The following DLG5 variants were observed in gnomAD, a reference collection of about 807,000 sequenced individuals.
The protein encoded by DLG5 is disks large homolog 5.
Under a neutral mutation model 189.8 loss-of-function variants are expected in DLG5, and 48 were observed. The ratio of observed to expected loss-of-function variants is 0.25; its 90% CI spans 0.20 to 0.32. DLG5 has a LOEUF of 0.32. Among genes scored for constraint, DLG5 ranks in the 10% least tolerant of loss-of-function variants. DLG5 has a pLI of 1.00. For synonymous variants in DLG5, 1,016 were observed against 1,054.1 expected, an observed-to-expected ratio of 0.96 and a Z score of 0.70; for missense variants, 2,160 against 2,544.7, an observed-to-expected ratio of 0.85 and a Z score of 3.25.
At chr10:77,929,047 T>G (rs969220326), upstream of DLG5, 2 of 151,754 alleles carry the variant, frequency 1.3e-5, no homozygotes, top group African/African-American at 4.8e-5. Flanking sequence ...AAAAAAAAAC[T>G]TATTTTTTGA....
Position 77,856,735 on chromosome 10 carries a change from G to C in DLG5, c.531C>G (p.Asp177Glu). Residue 177 changes from aspartate (D) to glutamate (E), a missense_variant, in exon 3 of 32, where the codon GAC (aspartate) becomes GAG (glutamate). By Grantham distance (45) the Asp-to-Glu change is conservative. Transcript: ENST00000372391. The stretch of plus-strand genomic sequence containing the variant: ...GGAGACGGCGCAATTACTACCTCTT[G>C]TCAAAGGCCGTGCCATGCGTAGCAA... Reference protein sequence around the residue: ...LAFATHGTAFDKRPYHRLNPD... With the variant: ...LAFATHGTAFEKRPYHRLNPD... The C allele has an allele frequency of 1.2e-6, 2 of 1,613,012 alleles. No homozygotes were observed. The highest frequency in any genetic ancestry group is 1.7e-6 in the Non-Finnish European group (2 of 1,179,700).
At position 77,806,738 on chromosome 10, in the gene DLG5, C is replaced by CCCCCCCCCCCCCCAAACAAAA; in HGVS notation, c.4967+19_4967+20insTTTTGTTTGGGGGGGGGGGGG. 1 of 1,574,714 alleles carries CCCCCCCCCCCCCCAAACAAAA rather than the reference C, an allele frequency of 6.4e-7. No homozygotes were observed. The highest frequency in any genetic ancestry group is 8.7e-7 in the Non-Finnish European group (1 of 1,147,900). On this transcript the variant is annotated intron_variant, in intron 26 of 31. Coordinates refer to ENST00000372391, the MANE Select transcript of DLG5 (RefSeq NM_004747.4). ...CGGCGACCCCTGCCCCACCCCACCC[C>CCCCCCCCCCCCCCAAACAAAA]AGGCCCGGAGAACACTTACACATAT...
intron 1 of DLG5, among the ~76,000 whole-genome samples, chr10:77,886,099 C>T: frequency 6.6e-6 from 1 of 152,218 alleles, no homozygotes; most frequent in East Asian, 1.9e-4. Context: ...ATCATCCAAG[C>T]TGCTCTTTAA....
At chr10:77,820,158 C>A in intron 15 of DLG5, 140 bp from the exon 16 acceptor site, 1 of 1,168,906 alleles carries the variant, frequency 8.6e-7, no homozygotes, top group Non-Finnish European at 1.2e-6. Flanking sequence ...CCACCCTGGC[C>A]AACATGGCGA....
intron 1 of DLG5, among the ~76,000 whole-genome samples, chr10:77,884,467 A>G (rs996102106): frequency 2.0e-5 from 3 of 152,106 alleles, no homozygotes; most frequent in African/African-American, 7.2e-5. Flanking sequence ...GCCTTGGGCA[A>G]GTCGGGCAAG....
intron 2 of DLG5, chr10:77,868,528 G>A (rs1472145642): frequency 3.0e-5 from 8 of 265,230 alleles, no homozygotes; most frequent in Admixed American, 1.0e-4. Context: ...TGAGTCCTTC[G>A]GGCTCAAAAG....
chr10:77,905,894 C>T (rs940810716), intron 1 of DLG5, among the ~76,000 whole-genome samples: 1 of 152,234 alleles, frequency 6.6e-6, no homozygotes, highest in African/African-American at 2.4e-5. Flanking sequence ...CAGCAATCTA[C>T]ATAATAGCAC....
chr10:77,906,372 A>G (rs1274371067), intron 1 of DLG5, among the ~76,000 whole-genome samples: 1 of 152,220 alleles, frequency 6.6e-6, no homozygotes, highest in Non-Finnish European at 1.5e-5. Context: ...ACTGAACCGT[A>G]CCTGCTAAGG....
At chr10:77,840,229 TTA>T (rs1843352424) in intron 7 of DLG5, among the ~76,000 whole-genome samples, 2 of 150,274 alleles carry the variant, frequency 1.3e-5, no homozygotes, top group Non-Finnish European at 3.0e-5. Context: ...AAATTAAGAA[TTA>T]GCTGGGTGAG....
rs1413760496 is a variant in DLG5, at chr10:77,835,992, G to A, written c.1438-70C>T. The A allele has an allele frequency of 5.3e-6, 8 of 1,513,646 alleles. No individual in the cohort carries two copies. The African/African-American group carries it at 5.5e-5, about 10-fold the overall frequency. The allele number at this position is 1,513,646 out of a possible 1,614,324, so 93.8% of individuals were successfully genotyped here. ...CATGGACCAGGAGCGCCTCCCACCA[G>A]TGCGGGGGCCAAGGCTGAGGCTCTA... is the stretch of plus-strand genomic sequence containing the variant. On this transcript the variant is annotated intron_variant, in intron 7 of 31. Coordinates refer to ENST00000372391, the MANE Select transcript of DLG5 (RefSeq NM_004747.4).
At chr10:77,831,409 A>G (rs1019000428) in intron 9 of DLG5, among the ~76,000 whole-genome samples, 10 of 152,200 alleles carry the variant, frequency 6.6e-5, no homozygotes, top group Admixed American at 5.9e-4. Flanking sequence ...AAAAAAAAAT[A>G]AAATTTAATT....
At chr10:77,937,874 A>ATT in the DLG5 span, among the ~76,000 whole-genome samples, 1,831 of 104,034 alleles carry the variant, frequency 0.018, 58 homozygotes, top group African/African-American at 0.05. Flanking sequence ...CACTCAGCTA[A>ATT]TTTTTTTTTT....
At chr10:77,886,996 T>C (rs780982690) in intron 1 of DLG5, among the ~76,000 whole-genome samples, 2 of 152,182 alleles carry the variant, frequency 1.3e-5, no homozygotes, top group Non-Finnish European at 2.9e-5. Context: ...AGATAATCCA[T>C]GTCTGTTGTT....
chr10:77,868,170 T>G (rs1204911806), intron 2 of DLG5: 1 of 446,476 alleles, frequency 2.2e-6, no homozygotes, highest in African/African-American at 2.0e-5. Flanking sequence ...AGCCACCTGG[T>G]CTGCGGCACT....
intron 13 of DLG5, among the ~76,000 whole-genome samples, chr10:77,826,522 A>G (rs1224659059): frequency 6.6e-6 from 1 of 152,156 alleles, no homozygotes; most frequent in Non-Finnish European, 1.5e-5. Context: ...CCAGCTGCTC[A>G]GGTGGCTGAG....
intron 14 of DLG5, among the ~76,000 whole-genome samples, chr10:77,823,389 ATAT>A (rs2154575701): frequency 6.6e-6 from 1 of 152,348 alleles, no homozygotes; most frequent in South Asian, 2.1e-4. Context: ...AACTTTTCAA[ATAT>A]GTAGAAAAGT....
At position 77,875,813 on chromosome 10, in the gene DLG5, G is replaced by A. The variant is rs544147109; in HGVS notation, c.305-6616C>T. Among the ~76,000 whole-genome samples, 10 of 151,476 alleles carry A rather than the reference G, an allele frequency of 6.6e-5. No individual in the cohort carries two copies. In the South Asian group the frequency reaches 1.5e-3, roughly 22 times the overall value. Reference sequence around the variant, plus strand: ...TTCTCAGGAGGGAAGAAAGGTGGCAGGGAAAAAAAAAAGAAAAGAAAAAAC... The same window carrying A: ...TTCTCAGGAGGGAAGAAAGGTGGCAAGGAAAAAAAAAAGAAAAGAAAAAAC... On this transcript the variant is annotated intron_variant, in intron 1 of 31. Coordinates refer to ENST00000372391, the MANE Select transcript of DLG5 (RefSeq NM_004747.4).
At chr10:77,822,349 TTC>T (rs1181443871) in intron 14 of DLG5, among the ~76,000 whole-genome samples, 1 of 152,166 alleles carries the variant, frequency 6.6e-6, no homozygotes, top group Admixed American at 6.5e-5. Flanking sequence ...TTTGAACACT[TTC>T]TGAAATTATC....
rs531971218 is a variant in DLG5 at position 77,830,949 on chromosome 10, C to T, written c.1749-76G>A. On this transcript the variant is annotated intron_variant, in intron 9 of 31. Coordinates refer to ENST00000372391, the MANE Select transcript of DLG5 (RefSeq NM_004747.4). ...CACCGCGTAACGGCTCTGAACCTCA[C>T]GAGGCAGGCCATTTGAAACAGCTAA... 4.4e-4 allele frequency: 668 copies of T among 1,533,850 alleles called. 8 individuals carry two copies. The South Asian group carries it at 7.5e-3, about 17-fold the overall frequency.
Sources: allele counts gnomAD v4.1 joint callset (sites outside exome capture counted in the v4.1 genomes callset), GRCh38; gene constraint gnomAD v4.1.1; transcripts MANE v1.5; gene names NCBI Gene and HGNC (gene_info 2026-07-23, HGNC 2026-07-21).